The following NEK7 variants were observed in gnomAD, a reference collection of about 807,000 sequenced individuals.
The protein encoded by NEK7 is serine/threonine-protein kinase Nek7.
NEK7 carries 18 observed loss-of-function variants against 44.6 expected under a neutral mutation model. That is an observed-to-expected ratio of 0.40 (90% CI 0.28 to 0.60). The LOEUF (loss-of-function observed/expected upper bound fraction) is 0.60. NEK7 is among the 20% of genes least tolerant of loss of function. NEK7 has a pLI of 0.38. For missense variants in NEK7, 256 were observed against 366.5 expected (o/e 0.70, Z 2.46); for synonymous variants, 130 against 121.1 (o/e 1.07, Z -0.48).
rs571746680 is a variant in NEK7, at chr1:198,230,142, G to C, written c.-28-2411G>C. On this transcript the variant is annotated intron_variant, in intron 1 of 9. Coordinates refer to ENST00000367385, the MANE Select transcript of NEK7 (RefSeq NM_133494.3). The stretch of plus-strand genomic sequence containing the variant: ...TTCATATAAAAAATGTTATTTCATA[G>C]GGGTCTTTGACCAGGAAACTTTTTC... Among the ~76,000 whole-genome samples the C allele has an allele frequency of 9.3e-4, 141 of 152,208 alleles. 2 individuals are homozygous for C. Among genetic ancestry groups the C allele is most frequent in the Middle Eastern group, 3.4e-3 (1 of 294 alleles).
chr1:198,279,207 C>G, intron 7 of NEK7, 146 bp downstream of exon 7: 1 of 441,968 alleles, frequency 2.3e-6, no homozygotes, highest in Non-Finnish European at 3.8e-6. Context: ...CTGCAACTCT[C>G]TATTAGGTAT....
chr1:198,170,957 A>C (rs751359166), intron 1 of NEK7, among the ~76,000 whole-genome samples: 3 of 152,198 alleles, frequency 2.0e-5, no homozygotes, highest in Non-Finnish European at 4.4e-5. Context: ...TCAAGATGGA[A>C]TCTTGCTGTG....
intron 1 of NEK7, among the ~76,000 whole-genome samples, chr1:198,189,579 A>ATG (rs1665016865): frequency 6.6e-6 from 1 of 152,138 alleles, no homozygotes; most frequent in Non-Finnish European, 1.5e-5. Context: ...TTGAACAAAT[A>ATG]TGTCATGACC....
intron 1 of NEK7, among the ~76,000 whole-genome samples, chr1:198,228,810 C>T (rs533687558): frequency 1.3e-5 from 2 of 152,168 alleles, no homozygotes; most frequent in Non-Finnish European, 1.5e-5. Flanking sequence ...ATGTCATCTG[C>T]AAACAGGGAC....
chr1:198,256,604 C>T, intron 3 of NEK7: 2 of 1,250,714 alleles, frequency 1.6e-6, no homozygotes, highest in Non-Finnish European at 2.1e-6. Context: ...GAATTCATTC[C>T]TCCAGTATTT....
intron 9 of NEK7, among the ~76,000 whole-genome samples, chr1:198,298,589 A>G (rs982379984): frequency 2.6e-5 from 4 of 152,240 alleles, no homozygotes; most frequent in African/African-American, 9.6e-5. Context: ...GGCATTTCAC[A>G]AAACCAACTT....
At chr1:198,173,862 T>G (rs577117031) in intron 1 of NEK7, among the ~76,000 whole-genome samples, 1 of 152,336 alleles carries the variant, frequency 6.6e-6, no homozygotes, top group South Asian at 2.1e-4. Context: ...ATTCCTGCTT[T>G]TAATTTTTCT....
At chr1:198,223,604 C>T (rs891408049) in intron 1 of NEK7, among the ~76,000 whole-genome samples, 14 of 152,224 alleles carry the variant, frequency 9.2e-5, no homozygotes, top group Non-Finnish European at 1.6e-4. Flanking sequence ...TACTTGAAAG[C>T]AAGACAATAT....
intron 7 of NEK7, among the ~76,000 whole-genome samples, chr1:198,290,035 C>T (rs1558096814): frequency 6.6e-6 from 1 of 152,142 alleles, no homozygotes; most frequent in Non-Finnish European, 1.5e-5. Flanking sequence ...CAGTTTTCCT[C>T]TAATGTCAGC....
In NEK7 at chr1:198,297,232, TC is replaced by T. The variant is rs1654740037; in HGVS notation, c.791del (p.Ser264Ter). 1 of 1,613,072 alleles carries T rather than the reference TC, an allele frequency of 6.2e-7. No homozygotes were observed. Among genetic ancestry groups the T allele is most frequent in the African/African-American group, 1.3e-5 (1 of 74,890 alleles). ...CCCACCTCTTCCTTCAGATCACTAT[TC>T]AGAAGAAGTAAGTCATTTTCAGCCC... is the stretch of plus-strand genomic sequence containing the variant. ...DYPPLPSDHY[S>X]EELRQLVNMC... On this transcript the variant is annotated frameshift_variant, in exon 9 of 10. Transcript: ENST00000367385. LOFTEE classifies it high-confidence loss of function.
At chr1:198,251,431 G>A (rs1167330626) in intron 2 of NEK7, among the ~76,000 whole-genome samples, 1 of 135,632 alleles carries the variant, frequency 7.4e-6, no homozygotes, top group African/African-American at 2.9e-5. Context: ...CTGTTGATTG[G>A]AATAGTTTCA....
intron 1 of NEK7, among the ~76,000 whole-genome samples, chr1:198,230,785 T>C (rs912753652): frequency 6.6e-6 from 1 of 151,592 alleles, no homozygotes; most frequent in African/African-American, 2.4e-5. Context: ...ATACTAACAA[T>C]CAGAAAATTG....
chr1:198,217,467 C>T (rs948866363), intron 1 of NEK7, among the ~76,000 whole-genome samples: 1 of 152,012 alleles, frequency 6.6e-6, no homozygotes, highest in Non-Finnish European at 1.5e-5. Context: ...ATGACAAACC[C>T]ACAGCCAACA....
chr1:198,233,922 A>G (rs1202473468), intron 2 of NEK7, among the ~76,000 whole-genome samples: 1 of 151,788 alleles, frequency 6.6e-6, no homozygotes, highest in Admixed American at 6.6e-5. Flanking sequence ...AGGACCAACA[A>G]CAAAGCCGTC....
intron 1 of NEK7, among the ~76,000 whole-genome samples, chr1:198,180,729 A>G (rs532977222): frequency 9.5e-4 from 144 of 152,118 alleles, no homozygotes; most frequent in Non-Finnish European, 1.7e-3. Context: ...GAGTATTTTC[A>G]GTAAGAGGAC....
At chr1:198,188,121 T>C (rs954340354) in intron 1 of NEK7, among the ~76,000 whole-genome samples, 1 of 152,360 alleles carries the variant, frequency 6.6e-6, no homozygotes, top group South Asian at 2.1e-4. Flanking sequence ...CATAGTGACA[T>C]TGCCTTTTGG....
intron 1 of NEK7, among the ~76,000 whole-genome samples, chr1:198,218,635 G>T (rs994485299): frequency 6.6e-6 from 1 of 151,542 alleles, no homozygotes; most frequent in Non-Finnish European, 1.5e-5. Flanking sequence ...TAGACAACCT[G>T]TAGAATGGGA....
chr1:198,293,846 A>AT (rs1654631281), intron 8 of NEK7, among the ~76,000 whole-genome samples: 1 of 151,890 alleles, frequency 6.6e-6, no homozygotes, highest in Non-Finnish European at 1.5e-5. Context: ...ACATGGAAGC[A>AT]TTTTCATATC....
chr1:198,238,444 T>G (rs967287378), intron 2 of NEK7, among the ~76,000 whole-genome samples: 1 of 151,648 alleles, frequency 6.6e-6, no homozygotes, highest in Non-Finnish European at 1.5e-5. Flanking sequence ...TCTGACCTCC[T>G]CATTACCTCT....
Sources: allele counts gnomAD v4.1 joint callset (sites outside exome capture counted in the v4.1 genomes callset), GRCh38; gene constraint gnomAD v4.1.1; transcripts MANE v1.5; gene names NCBI Gene and HGNC (gene_info 2026-07-23, HGNC 2026-07-21).